Variants in PCDHGA5 observed in about 807,000 individuals in gnomAD.
PCDHGA5 encodes the protein protocadherin gamma-A5.
PCDHGA5 carries 36 observed loss-of-function variants against 56.7 expected under a neutral mutation model. The observed-to-expected ratio is 0.64, with a 90% confidence interval of 0.49 to 0.84. PCDHGA5 has a LOEUF of 0.84. PCDHGA5 is among the 40% of genes least tolerant of loss of function. The probability of loss-of-function intolerance (pLI) is 0.00; values close to 1 mark genes in which losing one functional copy is unlikely to be tolerated. For missense variants in PCDHGA5, 1,305 were observed against 1,201.5 expected (o/e 1.09, Z -1.27); for synonymous variants, 563 against 520.2 (o/e 1.08, Z -1.12).
rs773942024 is a variant in PCDHGA5, at chr5:141,433,234, C to G, written c.2422-61573C>G. 3.3e-6 allele frequency: 5 copies of G among 1,512,860 alleles called. No homozygotes were observed. In the South Asian group the frequency reaches 5.0e-5, roughly 15 times the overall value. The allele number at this position is 1,512,860 out of a possible 1,614,324, so 93.7% of individuals were successfully genotyped here. A position where few individuals can be genotyped will look rare whatever the true frequency, so the allele number is the denominator to read the frequency against. On this transcript the variant is annotated intron_variant, in intron 1 of 3. Coordinates refer to ENST00000518069, the MANE Select transcript of PCDHGA5 (RefSeq NM_018918.3). ...TTTTTTTTTTTTAATTGCTCTGTCT[C>G]CCAAGCTGGAATGCAGCGGTACGAT...
In PCDHGA5 at chr5:141,365,056, C is replaced by T; in HGVS notation, c.726C>T (p.Phe242=). 1 of 1,613,906 alleles carries T rather than the reference C, an allele frequency of 6.2e-7. No homozygotes were observed. The highest frequency in any genetic ancestry group is 8.5e-7 in the Non-Finnish European group (1 of 1,179,906). ...VLDANDNAPL[F]TPSEYSVSVP... ...ACGCAAACGACAATGCGCCCCTGTT[C>T]ACCCCATCCGAGTACAGCGTGAGTG... The change falls in exon 1 of 4, where the codon TTC becomes TTT. Residue 242 remains phenylalanine, a synonymous_variant. Coordinates refer to ENST00000518069, the MANE Select transcript of PCDHGA5 (RefSeq NM_018918.3).
chr5:141,388,335 C>A (rs67622091), intron 1 of PCDHGA5: 89,774 of 1,613,756 alleles, frequency 0.056, 3,043 homozygotes, highest in African/African-American at 0.15. Context: ...GCCTGGCACA[C>A]GATTTATATT....
chr5:141,430,795 G>T (rs918154748), intron 1 of PCDHGA5: 7 of 1,522,458 alleles, frequency 4.6e-6, no homozygotes, highest in Non-Finnish European at 6.2e-6. Flanking sequence ...ACTACAAAGG[G>T]CTTGTCCTGC....
chr5:141,403,775 G>A (rs760589412), intron 1 of PCDHGA5: 2 of 1,613,866 alleles, frequency 1.2e-6, no homozygotes, highest in Admixed American at 1.7e-5. Context: ...GGGAATCAAC[G>A]GAAAAGTGGC....
chr5:141,499,565 C>CTTATCTTGT (rs2099792732), intron 2 of PCDHGA5, among the ~76,000 whole-genome samples: 2 of 152,168 alleles, frequency 1.3e-5, no homozygotes, highest in Non-Finnish European at 2.9e-5. Flanking sequence ...CACTATCCAG[C>CTTATCTTGT]TTCAACTAAT....
intron 1 of PCDHGA5, chr5:141,370,194 T>C: frequency 3.8e-6 from 2 of 525,176 alleles, no homozygotes; most frequent in East Asian, 3.0e-5. Flanking sequence ...TGGCTAGTGC[T>C]GTGCAAAATA....
intron 1 of PCDHGA5, chr5:141,388,443 G>A (rs1242973473): frequency 5.0e-6 from 8 of 1,613,872 alleles, no homozygotes; most frequent in Non-Finnish European, 6.8e-6. Flanking sequence ...AGAGAAATCA[G>A]ATGGCAGTAA....
chr5:141,503,161 T>C (rs1035413931), intron 2 of PCDHGA5, among the ~76,000 whole-genome samples: 3 of 152,054 alleles, frequency 2.0e-5, no homozygotes, highest in Admixed American at 1.3e-4. Context: ...AGTATCACAA[T>C]TGCAATTACT....
intron 1 of PCDHGA5, chr5:141,413,132 A>C (rs1313665743): frequency 1.3e-6 from 2 of 1,542,144 alleles, no homozygotes; most frequent in Admixed American, 4.0e-5. Context: ...GAAACACACA[A>C]CGTGTCCAGT....
intron 1 of PCDHGA5, chr5:141,394,749 G>C (rs1270810324): frequency 1.2e-6 from 2 of 1,613,424 alleles, no homozygotes; most frequent in Admixed American, 1.7e-5. Context: ...CGTGGTGGCC[G>C]TCCAGGACCA....
Position 141,477,354 on chromosome 5 carries a change from C to T in PCDHGA5, c.2422-17453C>T, listed in dbSNP as rs1164062950. On this transcript the variant is annotated intron_variant, in intron 1 of 3. Coordinates refer to ENST00000518069, the MANE Select transcript of PCDHGA5 (RefSeq NM_018918.3). This position sits in a 1 kb window ranked among gnomAD's most constrained non-coding sequence, Gnocchi z 4.9. ...AATTACTTCACTTTGAAAACCAGTG[C>T]AGACCTGGATCGGGAGACTGTGCCA... 14 of 1,614,202 alleles carry T rather than the reference C, an allele frequency of 8.7e-6. No homozygotes were observed. The highest frequency in any genetic ancestry group is 1.1e-5 in the Non-Finnish European group (13 of 1,180,036).
intron 1 of PCDHGA5, chr5:141,399,115 G>C: frequency 6.2e-7 from 1 of 1,613,814 alleles, no homozygotes; most frequent in Non-Finnish European, 8.5e-7. Context: ...ATGTACAGTT[G>C]AAATTAATAT....
In PCDHGA5 at chr5:141,365,937, A is replaced by G. The variant is rs1431683352; in HGVS notation, c.1607A>G (p.Asp536Gly). The change falls in exon 1 of 4, where the codon GAC becomes GGC. Residue 536 changes from aspartate to glycine, a missense_variant. Physicochemically the swap from Asp to Gly is moderately conservative, Grantham distance 94. Coordinates refer to ENST00000518069, the MANE Select transcript of PCDHGA5 (RefSeq NM_018918.3). ...CTACAGTTGTGGGTGACAGCCAGCG[A>G]CAGTGGGAACCCTCCACTTAGCAGC... is the stretch of plus-strand genomic sequence containing the variant. ...RDLQLWVTAS[D>G]SGNPPLSSNV... 1.9e-6 allele frequency: 3 copies of G among 1,614,226 alleles called. No homozygotes were observed. The highest frequency in any genetic ancestry group is 2.5e-6 in the Non-Finnish European group (3 of 1,180,044).
At chr5:141,478,165 C>T (rs780594020) in intron 1 of PCDHGA5, 18 of 1,613,920 alleles carry the variant, frequency 1.1e-5, no homozygotes, top group Non-Finnish European at 1.5e-5. Context: ...GCTCTGCCCC[C>T]CGGGAGCAGA....
At chr5:141,407,271 GA>G (rs2094907406) in intron 1 of PCDHGA5, among the ~76,000 whole-genome samples, 1 of 152,204 alleles carries the variant, frequency 6.6e-6, no homozygotes, top group African/African-American at 2.4e-5. Context: ...CATGCAACAA[GA>G]AAATTGTTAC....
intron 1 of PCDHGA5, among the ~76,000 whole-genome samples, chr5:141,466,594 C>G (rs557960608): frequency 6.6e-6 from 1 of 152,268 alleles, no homozygotes; most frequent in Admixed American, 6.5e-5. Flanking sequence ...TTAAAACAAG[C>G]TAGCTACTTG....
chr5:141,432,090 A>T lies in PCDHGA5; in HGVS notation c.2422-62717A>T. 1 of 1,614,164 alleles carries T rather than the reference A, an allele frequency of 6.2e-7. No homozygotes were observed. Among genetic ancestry groups the T allele is most frequent in the Non-Finnish European group, 8.5e-7 (1 of 1,180,034 alleles). On this transcript the variant is annotated intron_variant, in intron 1 of 3. Transcript: ENST00000518069. The surrounding 1 kb of genome is among the most constrained non-coding windows in gnomAD (Gnocchi z 6.0). ...ACTCATATCTCGCTGAACGTGGCAG[A>T]CACCAACGACAACCCGCCGGTCTTC... is the stretch of plus-strand genomic sequence containing the variant.
Position 141,393,633 on chromosome 5 carries a change from A to G in PCDHGA5, c.2421+26882A>G, listed in dbSNP as rs376168054. The stretch of plus-strand genomic sequence containing the variant: ...AGCCAGCGACCCGGATGAGGGAATC[A>G]ACGGAAAAGTGGCATACAAATTCCG... On this transcript the variant is annotated intron_variant, in intron 1 of 3. Transcript: ENST00000518069. 8 of 1,613,854 alleles carry G rather than the reference A, an allele frequency of 5.0e-6. No homozygotes were observed. The highest frequency in any genetic ancestry group is 1.3e-5 in the African/African-American group (1 of 74,956).
At chr5:141,418,876 C>A (rs917800201) in intron 1 of PCDHGA5, 1 of 1,613,844 alleles carries the variant, frequency 6.2e-7, no homozygotes. Context: ...AAGTTGTAGA[C>A]GAAAACGACA....
Sources: gnomAD v4.1 joint callset for allele counts (sites outside exome capture counted in the v4.1 genomes callset) on GRCh38, gnomAD v4.1.1 for gene constraint, Gnocchi (gnomAD v3.1) non-coding constraint, MANE v1.5 for transcripts, NCBI Gene and HGNC (gene_info 2026-07-23, HGNC 2026-07-21) for gene names.